The following SOS2 variants were observed in gnomAD, a reference collection of about 807,000 sequenced individuals.
The protein encoded by SOS2 is SOS Ras/Rho guanine nucleotide exchange factor 2, also known as son of sevenless homolog 2.
In SOS2, 65 loss-of-function variants were observed where a neutral mutation model predicts 148.2. The ratio of observed to expected loss-of-function variants is 0.44; its 90% CI spans 0.36 to 0.54. The LOEUF (loss-of-function observed/expected upper bound fraction) is 0.54, where lower values mean the gene tolerates loss of function less well. SOS2 is among the 20% of genes least tolerant of loss of function. The pLI is 0.00. For synonymous variants in SOS2, 539 were observed against 537.1 expected (o/e 1.00, Z -0.05); for missense variants, 1,341 against 1,590.2 (o/e 0.84, Z 2.67).
chr14:50,157,468 TAATA>T (rs1237868550), intron 11 of SOS2, among the ~76,000 whole-genome samples: 1 of 152,124 alleles, frequency 6.6e-6, no homozygotes, highest in Non-Finnish European at 1.5e-5. Context: ...GAAAGTAGGC[TAATA>T]AATTTATTTA....
intron 21 of SOS2, among the ~76,000 whole-genome samples, chr14:50,121,109 A>C (rs1323536762): frequency 6.6e-6 from 1 of 152,140 alleles, no homozygotes; most frequent in Non-Finnish European, 1.5e-5. Flanking sequence ...CCATATAGGA[A>C]CCCATAAGGT....
intron 6 of SOS2, among the ~76,000 whole-genome samples, chr14:50,180,995 G>C (rs986587549): frequency 7.2e-5 from 11 of 152,038 alleles, no homozygotes; most frequent in Non-Finnish European, 1.2e-4. Flanking sequence ...AAAGAATAAG[G>C]TAATACCGAG....
rs1885518568 is a variant in SOS2, at chr14:50,176,239, T to C, written c.970-1687A>G. 3.3e-5 allele frequency among the ~76,000 whole-genome samples: 5 copies of C among 152,230 alleles called. No homozygotes were observed. In the South Asian group the frequency reaches 1.0e-3, roughly 32 times the overall value. On this transcript the variant is annotated intron_variant, in intron 7 of 22. Transcript: ENST00000216373. The stretch of plus-strand genomic sequence containing the variant: ...GGCACCAAACTAGACACCAAATCTG[T>C]TAGCCTCTTGATATGGGACTTCCTA...
At chr14:50,136,555 T>C (rs998192940) in intron 18 of SOS2, among the ~76,000 whole-genome samples, 3 of 151,784 alleles carry the variant, frequency 2.0e-5, no homozygotes, top group Non-Finnish European at 4.4e-5. Context: ...TCACCATCAG[T>C]AGGTTACCAC....
At chr14:50,125,120 G>A (rs995007329) in intron 21 of SOS2, among the ~76,000 whole-genome samples, 1 of 152,088 alleles carries the variant, frequency 6.6e-6, no homozygotes, top group Non-Finnish European at 1.5e-5. Flanking sequence ...GTTAGGATGA[G>A]GTCATTAAAA....
intron 13 of SOS2, among the ~76,000 whole-genome samples, chr14:50,150,720 G>C (rs1884634787): frequency 6.6e-6 from 1 of 151,520 alleles, no homozygotes; most frequent in Non-Finnish European, 1.5e-5. Flanking sequence ...ACCACGCCTG[G>C]CTAATTTTTG....
Position 50,166,568 on chromosome 14 carries a change from T to C in SOS2, c.1069-4959A>G, listed in dbSNP as rs377283658. Among the ~76,000 whole-genome samples the C allele has an allele frequency of 8.5e-5, 13 of 152,282 alleles. No individual in the cohort carries two copies. The East Asian group carries it at 1.3e-3, about 16-fold the overall frequency. ...CTTATGAACCTAGCTGAAGAATATA[T>C]TCCTTGCTACCTGATACTCATCATT... On this transcript the variant is annotated intron_variant, in intron 8 of 22. Coordinates refer to ENST00000216373, the MANE Select transcript of SOS2 (RefSeq NM_006939.4).
At chr14:50,167,365 C>CA (rs1885201434) in intron 8 of SOS2, among the ~76,000 whole-genome samples, 1 of 141,862 alleles carries the variant, frequency 7.0e-6, no homozygotes, top group Non-Finnish European at 1.5e-5. Context: ...CCCTTCTCTA[C>CA]AAAAAATAAA....
intron 18 of SOS2, among the ~76,000 whole-genome samples, chr14:50,135,265 A>T (rs1026825036): frequency 6.6e-6 from 1 of 151,866 alleles, no homozygotes; most frequent in African/African-American, 2.4e-5. Context: ...ATTTGACACC[A>T]GCCAGGGCAA....
chr14:50,193,069 G>A (rs776233761), intron 4 of SOS2, among the ~76,000 whole-genome samples: 5 of 151,958 alleles, frequency 3.3e-5, no homozygotes, highest in Non-Finnish European at 7.4e-5. Flanking sequence ...CAATGTCCTA[G>A]GCTCAAACAA....
intron 5 of SOS2, 96 bp downstream of exon 5, chr14:50,188,401 C>A (rs1885996711): frequency 3.7e-6 from 3 of 816,012 alleles, no homozygotes; most frequent in Non-Finnish European, 5.9e-6. Context: ...GAGCAAGACT[C>A]CGTCTCAAAA....
chr14:50,225,985 T>G (rs191058369), intron 1 of SOS2, among the ~76,000 whole-genome samples: 191 of 151,506 alleles, frequency 1.3e-3, no homozygotes, highest in African/African-American at 4.3e-3. Flanking sequence ...TGTTCTTACT[T>G]TCCCCTCAGC....
chr14:50,191,303 A>C (rs1027407877), intron 4 of SOS2, among the ~76,000 whole-genome samples: 13 of 151,864 alleles, frequency 8.6e-5, no homozygotes, highest in African/African-American at 3.2e-4. Context: ...TATCTCTACC[A>C]AAAGTAAAAA....
intron 5 of SOS2, among the ~76,000 whole-genome samples, chr14:50,185,605 T>A (rs533067199): frequency 2.0e-5 from 3 of 150,496 alleles, no homozygotes; most frequent in African/African-American, 7.3e-5. Flanking sequence ...GGCAGGAGAA[T>A]CGCTTGAACC....
At position 50,177,099 on chromosome 14, in the gene SOS2, T is replaced by C. The variant is rs1187695283; in HGVS notation, c.970-2547A>G. ...TTAAGTCTGCTACACAGTCCAGGTA[T>C]GGTGCCTCATGGTCAACAGAACAGC... On this transcript the variant is annotated intron_variant, in intron 7 of 22. Transcript: ENST00000216373. Among the ~76,000 whole-genome samples, 5 of 152,124 alleles carry C rather than the reference T, an allele frequency of 3.3e-5. 1 individual carries two copies. The highest frequency in any genetic ancestry group is 7.4e-5 in the Non-Finnish European group (5 of 68,004).
At chr14:50,218,177 T>C (rs565512601) in intron 1 of SOS2, among the ~76,000 whole-genome samples, 1 of 93,570 alleles carries the variant, frequency 1.1e-5, no homozygotes, top group Non-Finnish European at 2.2e-5. Flanking sequence ...GATAAAAAGA[T>C]AGTATTAAGA....
At chr14:50,146,775 G>A (rs1327028712) in intron 14 of SOS2, among the ~76,000 whole-genome samples, 1 of 152,076 alleles carries the variant, frequency 6.6e-6, no homozygotes, top group Non-Finnish European at 1.5e-5. Context: ...TAAATATAAC[G>A]GAACACTACA....
chr14:50,205,516 T>C (rs1468757315), intron 1 of SOS2, among the ~76,000 whole-genome samples: 6 of 152,202 alleles, frequency 3.9e-5, no homozygotes, highest in African/African-American at 1.4e-4. Flanking sequence ...AAATTTACCA[T>C]AGAATTCTTC....
chr14:50,221,595 C>G (rs112815497), intron 1 of SOS2, among the ~76,000 whole-genome samples: 5 of 152,300 alleles, frequency 3.3e-5, no homozygotes, highest in African/African-American at 1.2e-4. Context: ...AGTATCTTGC[C>G]TCTTCCATCC....
Sources: allele counts gnomAD v4.1 joint callset (sites outside exome capture counted in the v4.1 genomes callset), GRCh38; gene constraint gnomAD v4.1.1; transcripts MANE v1.5; gene names NCBI Gene and HGNC (gene_info 2026-07-23, HGNC 2026-07-21).